The following SIK2 variants were observed in gnomAD, a reference collection of about 807,000 sequenced individuals.
SIK2 encodes the protein serine/threonine-protein kinase SIK2.
A neutral mutation model predicts 103.2 loss-of-function variants in SIK2; 29 were observed. The ratio of observed to expected loss-of-function variants is 0.28; its 90% CI spans 0.21 to 0.38. The LOEUF is 0.38. Among genes scored for constraint, SIK2 ranks in the 10% least tolerant of loss-of-function variants. The pLI, the probability that SIK2 is intolerant of heterozygous loss-of-function variation, is 1.00. For missense variants in SIK2, 879 were observed against 1,171.0 expected, an observed-to-expected ratio of 0.75 and a Z score of 3.64; for synonymous variants, 412 against 446.1, an observed-to-expected ratio of 0.92 and a Z score of 0.96.
At chr11:111,698,495 A>G (rs1191678286) in intron 4 of SIK2, among the ~76,000 whole-genome samples, 1 of 152,204 alleles carries the variant, frequency 6.6e-6, no homozygotes, top group African/African-American at 2.4e-5. Context: ...TAATCCCAGC[A>G]CTTTGGGAGG....
At position 111,719,974 on chromosome 11, in the gene SIK2, C is replaced by T; in HGVS notation, c.1466C>T (p.Thr489Ile). 3 of 1,614,054 alleles carry T rather than the reference C, an allele frequency of 1.9e-6. No individual in the cohort carries two copies. The highest frequency in any genetic ancestry group is 2.5e-6 in the Non-Finnish European group (3 of 1,179,940). Residue 489 changes from threonine to isoleucine, a missense_variant, in exon 10 of 15, where the codon ACC (threonine) becomes ATC (isoleucine). Around this residue, in one of 7 missense-constraint regions of SIK2, gnomAD observed 222 missense variants for 258.0 expected, o/e 0.86. Transcript: ENST00000304987. ...GQRRHTLSEV[T>I]NQLVVMPGAG... ...AGACGGCACACTCTGTCAGAAGTGA[C>T]CAATCAACTGGTCGTGATGCCTGGG...
intron 3 of SIK2, among the ~76,000 whole-genome samples, chr11:111,627,179 T>A (rs1941972384): frequency 6.6e-6 from 1 of 152,116 alleles, no homozygotes; most frequent in South Asian, 2.1e-4. Flanking sequence ...AGCCAGCCCG[T>A]TTCTGACATG....
At position 111,719,937 on chromosome 11, in the gene SIK2, C is replaced by G; in HGVS notation, c.1429C>G (p.Arg477Gly). The change falls in exon 10 of 15, where the codon CGC (arginine) becomes GGC (glycine). Residue 477 changes from arginine (R) to glycine (G), a missense_variant. Physicochemically the swap from Arg to Gly is moderately radical, Grantham distance 125. Transcript: ENST00000304987. ...AHAFEAFQST[R>G]SGQRRHTLSE... The stretch of plus-strand genomic sequence containing the variant: ...TGCCTTTGAGGCATTTCAGTCCACA[C>G]GCAGCGGGCAGAGACGGCACACTCT... The G allele has an allele frequency of 6.2e-7, 1 of 1,614,152 alleles. No homozygotes were observed. The highest frequency in any genetic ancestry group is 1.3e-5 in the African/African-American group (1 of 75,050).
chr11:111,635,046 T>C (rs1229532924), intron 3 of SIK2, among the ~76,000 whole-genome samples: 7 of 152,244 alleles, frequency 4.6e-5, no homozygotes, highest in Non-Finnish European at 1.0e-4. Flanking sequence ...AGGTCAGATC[T>C]AATTGGATTA....
intron 2 of SIK2, among the ~76,000 whole-genome samples, chr11:111,617,629 T>C (rs1038730817): frequency 1.3e-5 from 2 of 152,198 alleles, no homozygotes; most frequent in African/African-American, 4.8e-5. Flanking sequence ...GAAAGCTGGT[T>C]TACTGGCACA....
At chr11:111,642,708 A>G (rs951256354) in intron 3 of SIK2, among the ~76,000 whole-genome samples, 2 of 151,958 alleles carry the variant, frequency 1.3e-5, no homozygotes, top group Non-Finnish European at 2.9e-5. Flanking sequence ...GTGGAACTGA[A>G]GGTACCAACC....
intron 8 of SIK2, among the ~76,000 whole-genome samples, chr11:111,709,188 T>C (rs1317377196): frequency 6.6e-6 from 1 of 152,232 alleles, no homozygotes; most frequent in Non-Finnish European, 1.5e-5. Flanking sequence ...TGTAGCTGGC[T>C]GTCTTTTCAC....
In SIK2 at chr11:111,703,291, C is replaced by T; in HGVS notation, c.816C>T (p.Leu272=). ...IAQIKEHKWM[L]IEVPVQRPVL... ...AAATCAAGGAGCATAAATGGATGCT[C>T]ATAGAAGTTCCTGTCCAGAGACCTG... The change falls in exon 7 of 15, where the codon CTC becomes CTT. Residue 272 remains leucine, a synonymous_variant. Transcript: ENST00000304987. The T allele has an allele frequency of 1.9e-6, 3 of 1,614,164 alleles. No individual in the cohort carries two copies. The highest frequency in any genetic ancestry group is 2.5e-6 in the Non-Finnish European group (3 of 1,180,018).
Position 111,615,934 on chromosome 11 carries a change from A to G in SIK2, c.136-309A>G, listed in dbSNP as rs541090854. 3.9e-5 allele frequency among the ~76,000 whole-genome samples: 6 copies of G among 152,348 alleles called. No individual in the cohort carries two copies. In the South Asian group the frequency reaches 1.2e-3, roughly 32 times the overall value. ...ACTAGTTGATATAGCTACTAATTTA[A>G]TCAAATAAAGATTTTATTTTTTCAG... On this transcript the variant is annotated intron_variant, in intron 1 of 14. Transcript: ENST00000304987.
chr11:111,639,999 G>A (rs1055033825), intron 3 of SIK2, among the ~76,000 whole-genome samples: 2 of 152,178 alleles, frequency 1.3e-5, no homozygotes, highest in Admixed American at 6.5e-5. Context: ...TGCGCAGGGT[G>A]TGTGGCACAG....
intron 4 of SIK2, among the ~76,000 whole-genome samples, chr11:111,692,446 A>T (rs1942971314): frequency 6.7e-6 from 1 of 149,108 alleles, no homozygotes; most frequent in African/African-American, 2.5e-5. Flanking sequence ...TATCTGCCTC[A>T]AGCAGATGGA....
rs1490616170 is a variant in SIK2 at position 111,726,146 on chromosome 11, C to T, written c.*2017C>T. 1.3e-5 allele frequency: 2 copies of T among 152,134 alleles called. No individual in the cohort carries two copies. The highest frequency in any genetic ancestry group is 2.4e-5 in the African/African-American group (1 of 41,430). The allele number at this position is 152,134 out of a possible 1,614,324, so 9.4% of individuals were successfully genotyped here. A position where few individuals can be genotyped will look rare whatever the true frequency, so the allele number is the denominator to read the frequency against. On this transcript the variant is annotated 3_prime_UTR_variant, in exon 15 of 15. Transcript: ENST00000304987. ...TTGATTTGTTTAGACTGAAGGAAGACGTTTTCCCAAAATATACTACAGAAG... is the reference window on the plus strand; with the variant it reads ...TTGATTTGTTTAGACTGAAGGAAGATGTTTTCCCAAAATATACTACAGAAG...
At chr11:111,647,562 G>GAAAAAAAAA (rs11307756) in intron 3 of SIK2, among the ~76,000 whole-genome samples, 1 of 62,942 alleles carries the variant, frequency 1.6e-5, no homozygotes. Flanking sequence ...CCCCCATCTC[G>GAAAAAAAAA]AAAAAAAAAA....
At chr11:111,717,317 CAAAAAAAAAAAAA>C (rs34473568) in intron 9 of SIK2, among the ~76,000 whole-genome samples, 4 of 49,464 alleles carry the variant, frequency 8.1e-5, no homozygotes, top group Non-Finnish European at 1.1e-4. Context: ...GACTCCGTCT[CAAAAAAAAAAAAA>C]AAAAAAAAAA....
Position 111,728,071 on chromosome 11 carries a change from C to T in SIK2, c.*3942C>T, listed in dbSNP as rs1944034171. 1 of 152,168 alleles carries T rather than the reference C, an allele frequency of 6.6e-6. No individual in the cohort carries two copies. The highest frequency in any genetic ancestry group is 1.5e-5 in the Non-Finnish European group (1 of 68,030). 9.4% of individuals were successfully genotyped at this position (152,168 alleles called of 1,614,324 possible). A position where few individuals can be genotyped will look rare whatever the true frequency, so the allele number is the denominator to read the frequency against. On this transcript the variant is annotated 3_prime_UTR_variant, in exon 15 of 15. Transcript: ENST00000304987. ...CAGTGTGTCATTTCACAGTCTCAGTCCCTGTGAACAGTGGCTGACACCGGT... is the reference window on the plus strand; with the variant it reads ...CAGTGTGTCATTTCACAGTCTCAGTTCCTGTGAACAGTGGCTGACACCGGT...
intron 9 of SIK2, among the ~76,000 whole-genome samples, chr11:111,715,281 C>G (rs112249900): frequency 6.6e-6 from 1 of 152,118 alleles, no homozygotes; most frequent in African/African-American, 2.4e-5. Flanking sequence ...TCCCTAAGAC[C>G]TCTTTCTTGG....
chr11:111,693,203 A>G (rs1296027150), intron 4 of SIK2, among the ~76,000 whole-genome samples: 1 of 152,050 alleles, frequency 6.6e-6, no homozygotes, highest in Non-Finnish European at 1.5e-5. Flanking sequence ...ATGGTGGTGC[A>G]TGCCTGTAAT....
intron 3 of SIK2, among the ~76,000 whole-genome samples, chr11:111,670,170 T>C (rs1007027874): frequency 2.6e-5 from 4 of 152,192 alleles, no homozygotes; most frequent in African/African-American, 9.6e-5. Context: ...GGGTTTGTGC[T>C]CATTAATCAG....
chr11:111,710,610 T>C (rs762255370), intron 8 of SIK2, among the ~76,000 whole-genome samples: 16 of 152,244 alleles, frequency 1.1e-4, no homozygotes, highest in Non-Finnish European at 5.9e-5. Flanking sequence ...ATTCTTGTGA[T>C]CATTTGAAGG....
Sources: gnomAD v4.1 joint callset for allele counts (sites outside exome capture counted in the v4.1 genomes callset) on GRCh38, gnomAD v4.1.1 for gene constraint, gnomAD v4.1.1 regional missense constraint, MANE v1.5 for transcripts, NCBI Gene and HGNC (gene_info 2026-07-23, HGNC 2026-07-21) for gene names.